The following BCL2L12 variants were observed in gnomAD, a reference collection of about 807,000 sequenced individuals.
BCL2L12 encodes the protein bcl-2-like protein 12.
In BCL2L12, 27 loss-of-function variants were observed where a neutral mutation model predicts 25.7. That is an observed-to-expected ratio of 1.05 (90% CI 0.78 to 1.45). The LOEUF (loss-of-function observed/expected upper bound fraction) is 1.45, where lower values mean the gene tolerates loss of function less well. Ranked by LOEUF, BCL2L12 falls within the 40% of genes most tolerant of loss-of-function variation. The pLI is 0.00. For missense variants in BCL2L12, 302 were observed against 329.8 expected (o/e 0.92, Z 0.65); for synonymous variants, 132 against 145.6 (o/e 0.91, Z 0.67).
rs572592047 is a variant in BCL2L12, at chr19:49,672,738, T to TG, written c.703-956dup. On this transcript the variant is annotated intron_variant, in intron 6 of 6. Coordinates refer to ENST00000246784, the MANE Select transcript of BCL2L12 (RefSeq NM_138639.2). This position sits in a 1 kb window ranked among gnomAD's most constrained non-coding sequence, Gnocchi z 4.1. ...TAAGTTCCCCGAGATGGGGAAGGTG[T>TG]GGGGATGGGGGCGATGGGGGTGGGG... Among the ~76,000 whole-genome samples the TG allele has an allele frequency of 5.3e-3, 619 of 116,168 alleles. 5 individuals are homozygous for TG. The highest frequency in any genetic ancestry group is 0.019 in the African/African-American group (584 of 30,294). 76.2% of individuals were successfully genotyped at this position (116,168 alleles called of 152,430 possible).
chr19:49,667,444 G>A (rs2081837345), intron 3 of BCL2L12, among the ~76,000 whole-genome samples: 1 of 152,156 alleles, frequency 6.6e-6, no homozygotes, highest in South Asian at 2.1e-4. Context: ...GGGCAGAAGG[G>A]CTGGTTTTCA....
chr19:49,665,648 G>A, upstream of BCL2L12: 4 of 774,422 alleles, frequency 5.2e-6, no homozygotes, highest in Middle Eastern at 4.0e-4. Context: ...GGAAGGTCGG[G>A]GCGTGCGGGC....
intron 6 of BCL2L12, among the ~76,000 whole-genome samples, chr19:49,671,070 G>A (rs2081952741): frequency 6.6e-6 from 1 of 152,224 alleles, no homozygotes; most frequent in Non-Finnish European, 1.5e-5. Context: ...ACTGAGGCAT[G>A]AGAATCGCTT....
In BCL2L12 at chr19:49,672,565, A is replaced by G. The variant is rs1183232156; in HGVS notation, c.703-1133A>G. Among the ~76,000 whole-genome samples, 1 of 152,172 alleles carries G rather than the reference A, an allele frequency of 6.6e-6. No homozygotes were observed. The highest frequency in any genetic ancestry group is 1.5e-5 in the Non-Finnish European group (1 of 68,022). On this transcript the variant is annotated intron_variant, in intron 6 of 6. Coordinates refer to ENST00000246784, the MANE Select transcript of BCL2L12 (RefSeq NM_138639.2). The surrounding 1 kb of genome is among the most constrained non-coding windows in gnomAD (Gnocchi z 4.1). ...GGGGCGAGGGCAGAAGTAGGGGCACAGGGAGGAGGTGAGTGGATCTCACCC... is the reference window on the plus strand; with the variant it reads ...GGGGCGAGGGCAGAAGTAGGGGCACGGGGAGGAGGTGAGTGGATCTCACCC...
Position 49,670,182 on chromosome 19 carries a change from T to C in BCL2L12, c.430-34T>C, listed in dbSNP as rs776469428. 6 of 1,587,858 alleles carry C rather than the reference T, an allele frequency of 3.8e-6. No homozygotes were observed. The Admixed American group carries it at 5.3e-5, about 14-fold the overall frequency. On this transcript the variant is annotated intron_variant, in intron 5 of 6. Transcript: ENST00000246784. ...CTCTATTGGCTGGCCCCGGGGGCGC[T>C]GCTGACGCGGACCCTGCCTCTTCCA...
intron 5 of BCL2L12, 23 bp downstream of exon 5, chr19:49,669,138 C>G: frequency 1.2e-6 from 2 of 1,611,894 alleles, no homozygotes; most frequent in Non-Finnish European, 1.7e-6. Context: ...TGTCCCACTC[C>G]TTGGCAAGGA....
At chr19:49,666,188 G>A (rs897878131) in intron 1 of BCL2L12, 121 bp downstream of exon 1, 17 of 1,320,376 alleles carry the variant, frequency 1.3e-5, no homozygotes, top group Non-Finnish European at 1.6e-5. Flanking sequence ...CTAGATTCCA[G>A]CAGGGGTCGG....
rs1439389419 is a variant in BCL2L12, at chr19:49,668,903, G to T, written c.303G>T (p.Leu101=). ...TGGTGGCCCAGCGGCTGGAACAGCT[G>T]GTCCAAGAGCAGCTGAAATCTCCGC... ...YALVAQRLEQ[L]VQEQLKSPPS... The change falls in exon 4 of 7, where the codon CTG becomes CTT. Residue 101 remains leucine, a synonymous_variant. Transcript: ENST00000246784. 7 of 1,613,700 alleles carry T rather than the reference G, an allele frequency of 4.3e-6. No homozygotes were observed. Among genetic ancestry groups the T allele is most frequent in the Non-Finnish European group, 5.9e-6 (7 of 1,179,938 alleles).
intron 3 of BCL2L12, 73 bp from the exon 4 acceptor site, chr19:49,668,778 G>A: frequency 7.1e-7 from 1 of 1,399,642 alleles, no homozygotes; most frequent in South Asian, 1.2e-5. Flanking sequence ...ACCTGCCAAG[G>A]TAGTTGGGGG....
Position 49,666,073 on chromosome 19 carries a change from C to T in BCL2L12, c.-9+6C>T. 1.3e-6 allele frequency: 2 copies of T among 1,493,876 alleles called. No individual in the cohort carries two copies. The highest frequency in any genetic ancestry group is 1.8e-6 in the Non-Finnish European group (2 of 1,109,976). The allele number at this position is 1,493,876 out of a possible 1,614,324, so 92.5% of individuals were successfully genotyped here. On this transcript the variant is annotated splice_donor_region_variant and intron_variant, in intron 1 of 6. Transcript: ENST00000246784. ...GCGGTGGGGCCCCGGACCAGGTCAG[C>T]GGGGTGTTGACGAGGGGTGGGGTGA...
chr19:49,670,173 C>CG, intron 5 of BCL2L12, 43 bp from the exon 6 acceptor site: 6 of 1,582,996 alleles, frequency 3.8e-6, no homozygotes, highest in Non-Finnish European at 5.1e-6. Flanking sequence ...TGGCTGGCCC[C>CG]GGGGGCGCTG....
At chr19:49,673,004 T>C (rs1287808587) in intron 6 of BCL2L12, among the ~76,000 whole-genome samples, 3 of 152,102 alleles carry the variant, frequency 2.0e-5, no homozygotes, top group Admixed American at 1.3e-4. Flanking sequence ...GTAGCTGGGG[T>C]TACAGGCGCA....
In BCL2L12 at chr19:49,667,141, C is replaced by T. The variant is rs373441295; in HGVS notation, c.230C>T (p.Pro77Leu). Reference protein sequence around the residue: ...SPRPCSLPIRPCYGLEPGPAT... With the variant: ...SPRPCSLPIRLCYGLEPGPAT... Reference sequence around the variant, plus strand: ...CGGCCTTGCTCTCTGCCCATCCGCCCCTGCTATGGTTTAGAGCCTGGTAAG... The same window carrying T: ...CGGCCTTGCTCTCTGCCCATCCGCCTCTGCTATGGTTTAGAGCCTGGTAAG... The change falls in exon 3 of 7, where the codon CCC (proline) becomes CTC (leucine). Residue 77 changes from proline to leucine, a missense_variant. Physicochemically the swap from Pro to Leu is moderately conservative, Grantham distance 98. Transcript: ENST00000246784. 1.1e-4 allele frequency: 173 copies of T among 1,613,786 alleles called. No individual in the cohort carries two copies. Among genetic ancestry groups the T allele is most frequent in the Non-Finnish European group, 1.4e-4 (169 of 1,179,916 alleles).
At chr19:49,666,910 C>T (rs894510676) in intron 2 of BCL2L12, 109 bp from the exon 3 acceptor site, 2 of 1,527,124 alleles carry the variant, frequency 1.3e-6, no homozygotes, top group African/African-American at 2.8e-5. Context: ...TATTCTCTGT[C>T]TTTGGGGTTT....
At chr19:49,666,861 T>C in intron 2 of BCL2L12, 62 bp downstream of exon 2, 1 of 1,523,930 alleles carries the variant, frequency 6.6e-7, no homozygotes, top group Non-Finnish European at 8.9e-7. Context: ...TAACTCTTGC[T>C]CCTGGTCTCA....
upstream of BCL2L12, chr19:49,665,563 G>A (rs1329164380): frequency 1.0e-5 from 5 of 493,666 alleles, no homozygotes; most frequent in South Asian, 7.5e-5. Flanking sequence ...TCTCCGTGCA[G>A]ACCCATCCTC....
intron 1 of BCL2L12, among the ~76,000 whole-genome samples, 169 bp from the exon 2 acceptor site, chr19:49,666,516 C>G (rs1478204057): frequency 6.6e-6 from 1 of 152,132 alleles, no homozygotes. Context: ...TTTTCCTGAT[C>G]GCTTTTTCGT....
chr19:49,668,092 CTTTT>C (rs764611836), intron 3 of BCL2L12, among the ~76,000 whole-genome samples: 3 of 125,384 alleles, frequency 2.4e-5, no homozygotes, highest in East Asian at 2.4e-4. Context: ...CTCTGACATT[CTTTT>C]TTTTTTTTTT....
At chr19:49,669,703 A>C (rs540035993) in intron 5 of BCL2L12, among the ~76,000 whole-genome samples, 2 of 152,024 alleles carry the variant, frequency 1.3e-5, no homozygotes, top group Admixed American at 1.3e-4. Context: ...CTGGGGAAGT[A>C]AGTGAATGAA....
Sources: gnomAD v4.1 joint callset for allele counts (sites outside exome capture counted in the v4.1 genomes callset) on GRCh38, gnomAD v4.1.1 for gene constraint, Gnocchi (gnomAD v3.1) non-coding constraint, MANE v1.5 for transcripts, NCBI Gene and HGNC (gene_info 2026-07-23, HGNC 2026-07-21) for gene names.